ADAMTS3: variants seen among roughly 807,000 people sequenced by gnomAD.
ADAMTS3 encodes ADAM metallopeptidase with thrombospondin type 1 motif 3.
In ADAMTS3, 73 loss-of-function variants were observed where a neutral mutation model predicts 129.0. The ratio of observed to expected loss-of-function variants is 0.57; its 90% CI spans 0.47 to 0.69. ADAMTS3 has a LOEUF of 0.69. Among genes scored for constraint, ADAMTS3 ranks in the 30% least tolerant of loss-of-function variants. The probability of loss-of-function intolerance (pLI) is 0.00; values close to 1 mark genes in which losing one functional copy is unlikely to be tolerated. For synonymous variants in ADAMTS3, 477 were observed against 510.8 expected, an observed-to-expected ratio of 0.93 and a Z score of 0.89; for missense variants, 1,457 against 1,514.5, an observed-to-expected ratio of 0.96 and a Z score of 0.63.
intron 5 of ADAMTS3, among the ~76,000 whole-genome samples, chr4:72,339,011 T>C (rs945810292): frequency 6.6e-6 from 1 of 152,214 alleles, no homozygotes; most frequent in Non-Finnish European, 1.5e-5. Context: ...TTCAGTCTTA[T>C]AATGTTGAAA....
intron 4 of ADAMTS3, among the ~76,000 whole-genome samples, chr4:72,389,277 C>A (rs1037617348): frequency 6.6e-6 from 1 of 151,764 alleles, no homozygotes; most frequent in Non-Finnish European, 1.5e-5. Flanking sequence ...ATAAATCCAG[C>A]AAAAATAAAA....
At chr4:72,554,917 G>A (rs13105983) in intron 2 of ADAMTS3, among the ~76,000 whole-genome samples, 60,589 of 151,530 alleles carry the variant, frequency 0.4, 13,052 homozygotes, top group South Asian at 0.61. Flanking sequence ...TGTAAATTAC[G>A]GGTAATAGTA....
intron 4 of ADAMTS3, among the ~76,000 whole-genome samples, chr4:72,353,892 T>C (rs1465787029): frequency 6.6e-6 from 1 of 151,972 alleles, no homozygotes; most frequent in Admixed American, 6.6e-5. Flanking sequence ...CATGTTGTGA[T>C]TCTTTACTGT....
At chr4:72,421,670 G>T (rs1722448895) in intron 3 of ADAMTS3, among the ~76,000 whole-genome samples, 1 of 151,992 alleles carries the variant, frequency 6.6e-6, no homozygotes, top group Admixed American at 6.6e-5. Flanking sequence ...GAGTAGTGGG[G>T]GCTGAAGAGA....
intron 4 of ADAMTS3, among the ~76,000 whole-genome samples, chr4:72,387,829 C>T (rs894414922): frequency 1.3e-4 from 20 of 151,864 alleles, no homozygotes; most frequent in Admixed American, 1.2e-3. Flanking sequence ...TCAAAGAATG[C>T]TATTTATTGT....
intron 1 of ADAMTS3, 97 bp downstream of exon 1, chr4:72,568,594 GGGA>G (rs909613696): frequency 2.5e-5 from 22 of 883,820 alleles, no homozygotes; most frequent in Admixed American, 1.6e-4. Context: ...AGGGAAGGGT[GGGA>G]GGAGAAGGAG....
intron 4 of ADAMTS3, among the ~76,000 whole-genome samples, chr4:72,390,569 C>T (rs2109892351): frequency 6.6e-6 from 1 of 152,148 alleles, no homozygotes; most frequent in East Asian, 1.9e-4. Flanking sequence ...TTTATGAAAA[C>T]ATAATATTCA....
chr4:72,421,349 T>C (rs1722440325), intron 3 of ADAMTS3, among the ~76,000 whole-genome samples: 1 of 152,240 alleles, frequency 6.6e-6, no homozygotes, highest in Non-Finnish European at 1.5e-5. Context: ...CACATGGGCA[T>C]GGGCTTTGCC....
intron 3 of ADAMTS3, among the ~76,000 whole-genome samples, chr4:72,426,219 A>G (rs1217017205): frequency 1.3e-5 from 2 of 152,124 alleles, no homozygotes; most frequent in Non-Finnish European, 2.9e-5. Flanking sequence ...AGTTCATTGT[A>G]GATTCTGGAT....
chr4:72,548,500 G>A lies in ADAMTS3; in HGVS notation c.482C>T (p.Ala161Val). The A allele has an allele frequency of 6.2e-7, 1 of 1,613,716 alleles. No homozygotes were observed. Among genetic ancestry groups the A allele is most frequent in the Non-Finnish European group, 8.5e-7 (1 of 1,179,764 alleles). ...TACCAGACCATCACAGTTGCTGATG[G>A]CAACAGAGGTTCCTGGAATGTCCAC... ...DIVDIPGTSV[A>V]ISNCDGLAGM... is the part of the protein sequence containing the mutation. Residue 161 changes from alanine to valine, a missense_variant, in exon 3 of 22, where the codon GCC (alanine) becomes GTC (valine). Ala to Val is a moderately conservative substitution (Grantham distance 64). Coordinates refer to ENST00000286657, the MANE Select transcript of ADAMTS3 (RefSeq NM_014243.3).
chr4:72,417,265 G>A (rs1286141410), intron 3 of ADAMTS3, among the ~76,000 whole-genome samples: 1 of 152,156 alleles, frequency 6.6e-6, no homozygotes, highest in East Asian at 1.9e-4. Context: ...CTGACTCAGG[G>A]AAGAAACAGT....
At chr4:72,342,366 T>C (rs897818145) in intron 4 of ADAMTS3, among the ~76,000 whole-genome samples, 1 of 150,568 alleles carries the variant, frequency 6.6e-6, no homozygotes, top group African/African-American at 2.4e-5. Flanking sequence ...TTACTTTTTT[T>C]TTTTTTTTTT....
chr4:72,419,183 G>A (rs550973058), intron 3 of ADAMTS3, among the ~76,000 whole-genome samples: 1 of 152,068 alleles, frequency 6.6e-6, no homozygotes, highest in East Asian at 1.9e-4. Context: ...TTCTCTCCTG[G>A]TCCTTAACAC....
intron 3 of ADAMTS3, among the ~76,000 whole-genome samples, chr4:72,451,481 AAGC>A (rs1718404266): frequency 6.6e-6 from 1 of 151,832 alleles, no homozygotes; most frequent in Non-Finnish European, 1.5e-5. Context: ...ATAGGCATGG[AAGC>A]ACTAGTGGAA....
chr4:72,464,949 T>C (rs1032594307), intron 3 of ADAMTS3, among the ~76,000 whole-genome samples: 8 of 152,008 alleles, frequency 5.3e-5, no homozygotes, highest in South Asian at 2.1e-4. Context: ...CCTCTGAGCA[T>C]TGGGCTTCTA....
intron 5 of ADAMTS3, chr4:72,330,859 T>G (rs1041175633): frequency 6.6e-6 from 1 of 152,152 alleles, no homozygotes; most frequent in Non-Finnish European, 1.5e-5. Context: ...TTTGTAACAA[T>G]GGACACATAG....
At chr4:72,382,696 G>T (rs1560494639) in intron 4 of ADAMTS3, among the ~76,000 whole-genome samples, 1 of 152,122 alleles carries the variant, frequency 6.6e-6, no homozygotes, top group Non-Finnish European at 1.5e-5. Context: ...ATACTATGCA[G>T]CCATAAAAAT....
chr4:72,523,944 A>T (rs1418821220), intron 3 of ADAMTS3, among the ~76,000 whole-genome samples: 4 of 152,144 alleles, frequency 2.6e-5, no homozygotes, highest in African/African-American at 9.7e-5. Context: ...ATTTGCCTCT[A>T]AAGATCTAAT....
chr4:72,479,667 T>C (rs955489979), intron 3 of ADAMTS3, among the ~76,000 whole-genome samples: 2 of 152,070 alleles, frequency 1.3e-5, no homozygotes, highest in African/African-American at 2.4e-5. Context: ...CCAAAAGCAA[T>C]GGCAACAAAA....
Sources: allele counts gnomAD v4.1 joint callset (sites outside exome capture counted in the v4.1 genomes callset), GRCh38; gene constraint gnomAD v4.1.1; transcripts MANE v1.5; gene names NCBI Gene and HGNC (gene_info 2026-07-23, HGNC 2026-07-21).